PRX: variants seen among roughly 807,000 people sequenced by gnomAD.
The protein encoded by PRX is periaxin.
A neutral mutation model predicts 29.6 loss-of-function variants in PRX; 24 were observed. The ratio of observed to expected loss-of-function variants is 0.81; its 90% CI spans 0.59 to 1.14. The LOEUF (loss-of-function observed/expected upper bound fraction) is 1.14. Ranked by LOEUF, PRX falls within the 50% of genes most tolerant of loss-of-function variation. The pLI, the probability that PRX is intolerant of heterozygous loss-of-function variation, is 0.00. For missense variants in PRX, 1,838 were observed against 1,926.4 expected (o/e 0.95, Z 0.86); for synonymous variants, 772 against 831.7 (o/e 0.93, Z 1.24).
In PRX at chr19:40,395,536, G is replaced by A. The variant is rs761769929; in HGVS notation, c.2816C>T (p.Ser939Leu). ...SKFSLPKFGL[S>L]GPKVAKAEAE... ...CTCTGCCTTAGCCACCTTTGGCCCC[G>A]AGAGTCCAAACTTAGGTAAGGAGAA... Residue 939 changes from serine to leucine, a missense_variant, in exon 7 of 7, where the codon TCG (serine) becomes TTG (leucine). Physicochemically the swap from Ser to Leu is moderately radical, Grantham distance 145 (BLOSUM62 -2). Coordinates refer to ENST00000324001, the MANE Select transcript of PRX (RefSeq NM_181882.3). 1.4e-5 allele frequency: 23 copies of A among 1,614,180 alleles called. No homozygotes were observed. Among genetic ancestry groups the A allele is most frequent in the Middle Eastern group, 3.3e-4 (2 of 6,060 alleles).
intron 4 of PRX, among the ~76,000 whole-genome samples, chr19:40,406,303 C>A (rs1490779778): frequency 6.6e-6 from 1 of 151,684 alleles, no homozygotes; most frequent in Non-Finnish European, 1.5e-5. Flanking sequence ...GTCTCCAGCT[C>A]CTGGGCTCAA....
In PRX at chr19:40,393,867, C is replaced by A; in HGVS notation, c.*99G>T. ...CCTGCCAGCCCTGGTCAGTCACCCA[C>A]CTCCCGGCCCTCTTAGGGTTAGTGC... is the stretch of plus-strand genomic sequence containing the variant. On this transcript the variant is annotated 3_prime_UTR_variant, in exon 7 of 7. Coordinates refer to ENST00000324001, the MANE Select transcript of PRX (RefSeq NM_181882.3). The A allele has an allele frequency of 6.3e-7, 1 of 1,578,706 alleles. No homozygotes were observed. The highest frequency in any genetic ancestry group is 1.1e-5 in the South Asian group (1 of 89,898).
rs543875999 is a variant in PRX, at chr19:40,397,884, G to C, written c.468C>G (p.Val156=). The C allele has an allele frequency of 1.9e-5, 31 of 1,611,226 alleles. No homozygotes were observed. The South Asian group carries it at 3.4e-4, about 18-fold the overall frequency. Residue 156 remains valine (V), a synonymous_variant, in exon 7 of 7, where the codon GTC becomes GTG. Coordinates refer to ENST00000324001, the MANE Select transcript of PRX (RefSeq NM_181882.3). ...GVPADLAPVD[V]EFSFPKFSRL... is the part of the protein sequence containing the mutation. ...GGGAGAACTTGGGAAAGGAGAACTC[G>C]ACGTCAACAGGGGCCAGGTCAGCGG...
At chr19:40,413,894 A>G (rs1008000359), upstream of PRX, among the ~76,000 whole-genome samples, 1 of 152,236 alleles carries the variant, frequency 6.6e-6, no homozygotes, top group African/African-American at 2.4e-5. Flanking sequence ...TGCCGGGCAC[A>G]TAATGAGGGT....
chr19:40,411,472 T>C (rs1022606779), intron 1 of PRX, among the ~76,000 whole-genome samples: 1 of 152,044 alleles, frequency 6.6e-6, no homozygotes, highest in Non-Finnish European at 1.5e-5. Context: ...TAGGTGGTAG[T>C]AGAGGGGGTC....
intron 1 of PRX, among the ~76,000 whole-genome samples, chr19:40,410,750 A>G (rs1424890495): frequency 6.6e-6 from 1 of 152,154 alleles, no homozygotes; most frequent in East Asian, 1.9e-4. Context: ...GCGCGCCTGT[A>G]ATCCCAGCTA....
Position 40,397,657 on chromosome 19 carries a change from G to C in PRX, c.695C>G (p.Pro232Arg), listed in dbSNP as rs762459105. Residue 232 changes from proline (P) to arginine (R), a missense_variant, in exon 7 of 7, where the codon CCT becomes CGT. By Grantham distance (103) the Pro-to-Arg change is moderately radical (BLOSUM62 -2). Transcript: ENST00000324001. ...EVAAGARFTA[P>R]QVELVGPRLP... is the part of the protein sequence containing the mutation. ...CCGCGGCCCAACCAGCTCCACCTGA[G>C]GGGCTGTGAAACGAGCTCCTGCAGC... 2 of 1,550,970 alleles carry C rather than the reference G, an allele frequency of 1.3e-6. No homozygotes were observed. Among genetic ancestry groups the C allele is most frequent in the South Asian group, 1.2e-5 (1 of 85,004 alleles).
intron 5 of PRX, among the ~76,000 whole-genome samples, chr19:40,402,428 A>G (rs2079501639): frequency 6.6e-6 from 1 of 152,136 alleles, no homozygotes; most frequent in Non-Finnish European, 1.5e-5. Context: ...TGGCAACTGT[A>G]GCACTTACTG....
chr19:40,414,344 G>C (rs1448475642), upstream of PRX, among the ~76,000 whole-genome samples: 3 of 152,056 alleles, frequency 2.0e-5, no homozygotes, highest in East Asian at 5.8e-4. Flanking sequence ...GGCTGGTCTC[G>C]AACTCCTGGG....
In PRX at chr19:40,393,790, C is replaced by G; in HGVS notation, c.*176G>C. 1.1e-6 allele frequency: 1 copy of G among 906,278 alleles called. No homozygotes were observed. Among genetic ancestry groups the G allele is most frequent in the East Asian group, 2.6e-5 (1 of 38,366 alleles). The allele number at this position is 906,278 out of a possible 1,614,324, so 56.1% of individuals were successfully genotyped here. A position where few individuals can be genotyped will look rare whatever the true frequency, so the allele number is the denominator to read the frequency against. ...GGCTACTTCCAGATTATTTTATTCACATGGCTTGGTGGGGTACAGGCACTC... is the reference window on the plus strand; with the variant it reads ...GGCTACTTCCAGATTATTTTATTCAGATGGCTTGGTGGGGTACAGGCACTC... On this transcript the variant is annotated 3_prime_UTR_variant, in exon 7 of 7. Transcript: ENST00000324001.
At chr19:40,407,748 T>TCTC in intron 4 of PRX, 158 bp downstream of exon 4, 1 of 999,338 alleles carries the variant, frequency 1.0e-6, no homozygotes, top group Non-Finnish European at 1.5e-6. Flanking sequence ...TTAATTTTCT[T>TCTC]CTCCTCACAG....
rs369517674 is a variant in PRX at position 40,404,725 on chromosome 19, C to A, written c.28-863G>T. Among the ~76,000 whole-genome samples the A allele has an allele frequency of 7.6e-4, 115 of 152,178 alleles. 1 individual carries two copies. The South Asian group carries it at 0.011, about 15-fold the overall frequency. Reference sequence around the variant, plus strand: ...AGTTGGGAACATAGGCACGCGCCACCACGCCCAGCTAATTTTTAATTTTTT... The same window carrying A: ...AGTTGGGAACATAGGCACGCGCCACAACGCCCAGCTAATTTTTAATTTTTT... On this transcript the variant is annotated intron_variant, in intron 4 of 6. Coordinates refer to ENST00000324001, the MANE Select transcript of PRX (RefSeq NM_181882.3).
In PRX at chr19:40,408,248, T is replaced by C; in HGVS notation, c.-190A>G. ...CAGGGCTCACGCCCTTCCGTGGGGT[T>C]CTTGCTGCCTGCCAGGGAAAGGCCA... On this transcript the variant is annotated 5_prime_UTR_variant, in exon 3 of 7. Transcript: ENST00000324001. 1 of 519,162 alleles carries C rather than the reference T, an allele frequency of 1.9e-6. No individual in the cohort carries two copies. The highest frequency in any genetic ancestry group is 3.5e-6 in the Non-Finnish European group (1 of 286,006). 32.2% of individuals were successfully genotyped at this position (519,162 alleles called of 1,614,324 possible). A position where few individuals can be genotyped will look rare whatever the true frequency, so the allele number is the denominator to read the frequency against.
In PRX at chr19:40,408,018, A is replaced by G; in HGVS notation, c.-86T>C. 1 of 1,579,124 alleles carries G rather than the reference A, an allele frequency of 6.3e-7. No homozygotes were observed. Among genetic ancestry groups the G allele is most frequent in the Non-Finnish European group, 8.6e-7 (1 of 1,156,434 alleles). On this transcript the variant is annotated 5_prime_UTR_variant, in exon 4 of 7. Transcript: ENST00000324001. ...AACCAGCTTCAGTTCTGCATGGAGC[A>G]GCTGCCTCTGAGCCTGTGGGAGGAC...
chr19:40,395,725 A>T lies in PRX; in HGVS notation c.2627T>A (p.Met876Lys). Residue 876 changes from methionine (M) to lysine (K), a missense_variant, in exon 7 of 7, where the codon ATG (methionine) becomes AAG (lysine). By Grantham distance (95) the Met-to-Lys change is moderately conservative. This residue lies in a region of PRX where 1,143 missense variants were observed against 1,193.0 expected (regional missense o/e 0.96). Transcript: ENST00000324001. ...GCCCTCCACCCGCTCTCCCTTGCCCATTTTAGCGGCTGGGACCTGCCCCTG... is the reference window on the plus strand; with the variant it reads ...GCCCTCCACCCGCTCTCCCTTGCCCTTTTTAGCGGCTGGGACCTGCCCCTG... ...GLQGQVPAAK[M>K]GKGERVEGPE... 6.2e-7 allele frequency: 1 copy of T among 1,613,932 alleles called. No homozygotes were observed. Among genetic ancestry groups the T allele is most frequent in the South Asian group, 1.1e-5 (1 of 91,076 alleles).
intron 1 of PRX, among the ~76,000 whole-genome samples, chr19:40,409,031 T>C (rs2079546444): frequency 6.6e-6 from 1 of 151,978 alleles, no homozygotes; most frequent in Admixed American, 6.5e-5. Flanking sequence ...CTTGTATTTT[T>C]AGTAGAGACG....
rs1411840597 is a variant in PRX at position 40,398,438 on chromosome 19, G to T, written c.381+182C>A. On this transcript the variant is annotated intron_variant, in intron 6 of 6. Coordinates refer to ENST00000324001, the MANE Select transcript of PRX (RefSeq NM_181882.3). The surrounding 1 kb of genome is among the most constrained non-coding windows in gnomAD (Gnocchi z 6.3). ...GGGTGAGGGCCCTGGGCTGGGGTGG[G>T]TCTGTCCCCCTTCCCGGGGAAGAGT... 2 of 1,512,412 alleles carry T rather than the reference G, an allele frequency of 1.3e-6. No individual in the cohort carries two copies. Among genetic ancestry groups the T allele is most frequent in the Non-Finnish European group, 1.8e-6 (2 of 1,136,046 alleles). 93.7% of individuals were successfully genotyped at this position (1,512,412 alleles called of 1,614,324 possible).
Position 40,396,192 on chromosome 19 carries a change from A to G in PRX, c.2160T>C (p.Pro720=). 1 of 1,608,694 alleles carries G rather than the reference A, an allele frequency of 6.2e-7. No homozygotes were observed. The highest frequency in any genetic ancestry group is 8.5e-7 in the Non-Finnish European group (1 of 1,178,426). ...QLPKVCEMKV[P]DMKLPEIKLP... ...GTTTTATCTCTGGGAGCTTCATGTC[A>G]GGGACTTTCATTTCACAGACTTTGG... Residue 720 remains proline (P), a synonymous_variant, in exon 7 of 7, where the codon CCT becomes CCC. Coordinates refer to ENST00000324001, the MANE Select transcript of PRX (RefSeq NM_181882.3).
chr19:40,399,930 A>T (rs900289795), intron 5 of PRX, among the ~76,000 whole-genome samples: 5 of 97,726 alleles, frequency 5.1e-5, no homozygotes, highest in Admixed American at 1.2e-4. Flanking sequence ...TCTTTCACCC[A>T]GCTTTCTTTC....
Sources: allele counts gnomAD v4.1 joint callset (sites outside exome capture counted in the v4.1 genomes callset), GRCh38; gene constraint gnomAD v4.1.1; regional missense constraint gnomAD v4.1.1; non-coding constraint Gnocchi (gnomAD v3.1); transcripts MANE v1.5; gene names NCBI Gene and HGNC (gene_info 2026-07-23, HGNC 2026-07-21).